The following TTC28 variants were observed in gnomAD, a reference collection of about 807,000 sequenced individuals.
TTC28 encodes the protein tetratricopeptide repeat domain 28.
In TTC28, 61 loss-of-function variants were observed where a neutral mutation model predicts 198.0. The observed-to-expected ratio is 0.31, with a 90% CI of 0.25 to 0.38. The LOEUF (loss-of-function observed/expected upper bound fraction) is 0.38. Among genes scored for constraint, TTC28 ranks in the 10% least tolerant of loss-of-function variants. The pLI is 1.00. For synonymous variants in TTC28, 1,171 were observed against 1,297.8 expected, an observed-to-expected ratio of 0.90 and a Z score of 2.10; for missense variants, 2,678 against 3,164.0, an observed-to-expected ratio of 0.85 and a Z score of 3.69.
At chr22:28,036,205 A>G (rs1432835709) in intron 12 of TTC28, among the ~76,000 whole-genome samples, 2 of 152,210 alleles carry the variant, frequency 1.3e-5, no homozygotes, top group African/African-American at 4.8e-5. Context: ...TCAGCATCAC[A>G]TCGGACTTAT....
At chr22:28,325,259 G>T (rs908242402) in intron 2 of TTC28, among the ~76,000 whole-genome samples, 18 of 152,122 alleles carry the variant, frequency 1.2e-4, no homozygotes, top group African/African-American at 4.3e-4. Flanking sequence ...TAGTTTATTT[G>T]CATAGTGGTG....
chr22:28,424,629 C>T (rs534951047), intron 2 of TTC28, among the ~76,000 whole-genome samples: 1 of 152,268 alleles, frequency 6.6e-6, no homozygotes, highest in South Asian at 2.1e-4. Context: ...GTGCTAGCGT[C>T]ATAGCTGTTT....
At chr22:28,217,791 T>G (rs1268240667) in intron 5 of TTC28, among the ~76,000 whole-genome samples, 1 of 152,222 alleles carries the variant, frequency 6.6e-6, no homozygotes, top group Admixed American at 6.5e-5. Flanking sequence ...GACATTAGAA[T>G]TTTTGAATAT....
At chr22:28,056,568 G>T (rs954226313) in intron 12 of TTC28, 5 of 151,956 alleles carry the variant, frequency 3.3e-5, no homozygotes, top group African/African-American at 1.2e-4. Flanking sequence ...TTCAATTAAG[G>T]TTCCCTTAAA....
At chr22:28,602,295 C>T (rs1452145330) in intron 2 of TTC28, among the ~76,000 whole-genome samples, 1 of 152,102 alleles carries the variant, frequency 6.6e-6, no homozygotes, top group Non-Finnish European at 1.5e-5. Flanking sequence ...ACTAGAGACT[C>T]CTAATATACT....
At chr22:28,291,243 C>A (rs1302747140) in intron 5 of TTC28, among the ~76,000 whole-genome samples, 1 of 151,890 alleles carries the variant, frequency 6.6e-6, no homozygotes, top group East Asian at 1.9e-4. Flanking sequence ...ACTTCTCTAG[C>A]AAATATAATG....
chr22:28,064,825 C>T (rs1290037060), intron 12 of TTC28, among the ~76,000 whole-genome samples: 1 of 152,134 alleles, frequency 6.6e-6, no homozygotes, highest in Non-Finnish European at 1.5e-5. Context: ...AACTATAACG[C>T]TGGCAACTCC....
intron 6 of TTC28, among the ~76,000 whole-genome samples, chr22:28,113,665 T>C (rs1246464076): frequency 1.3e-5 from 2 of 152,236 alleles, no homozygotes; most frequent in Non-Finnish European, 2.9e-5. Flanking sequence ...GAAATATTTA[T>C]AGAAGCATTT....
Position 28,391,392 on chromosome 22 carries a change from T to G in TTC28, c.382-84749A>C, listed in dbSNP as rs574374272. On this transcript the variant is annotated intron_variant, in intron 2 of 22. Coordinates refer to ENST00000397906, the MANE Select transcript of TTC28 (RefSeq NM_001145418.2). ...TCCTGAATCTGAATGTTGGCCTGCC[T>G]TGCTAGACTGGGGAAGTTCTCCTGG... is the stretch of plus-strand genomic sequence containing the variant. Among the ~76,000 whole-genome samples, 18 of 152,322 alleles carry G rather than the reference T, an allele frequency of 1.2e-4. No homozygotes were observed. In the South Asian group the frequency reaches 3.7e-3, roughly 32 times the overall value.
At chr22:28,194,763 AT>A (rs1925224217) in intron 5 of TTC28, among the ~76,000 whole-genome samples, 2 of 131,994 alleles carry the variant, frequency 1.5e-5, no homozygotes, top group South Asian at 5.2e-4. Flanking sequence ...GAATAGACCA[AT>A]AACAGGCTCT....
chr22:28,210,556 G>T (rs963311512), intron 5 of TTC28, among the ~76,000 whole-genome samples: 6 of 152,054 alleles, frequency 3.9e-5, no homozygotes, highest in Non-Finnish European at 7.4e-5. Context: ...AAGAGCAAAT[G>T]AATGAAATGA....
intron 2 of TTC28, among the ~76,000 whole-genome samples, chr22:28,427,124 C>T (rs1227615479): frequency 6.6e-6 from 1 of 152,164 alleles, no homozygotes; most frequent in Non-Finnish European, 1.5e-5. Context: ...GAGAAAAATA[C>T]TTTGCCACTT....
chr22:28,549,827 C>A (rs867797988), intron 2 of TTC28, among the ~76,000 whole-genome samples: 1 of 152,154 alleles, frequency 6.6e-6, no homozygotes. Flanking sequence ...AATTCATGGT[C>A]TTCAATGTTT....
rs576359655 is a variant in TTC28 at position 28,081,235 on chromosome 22, C to T, written c.3932+12845G>A. Among the ~76,000 whole-genome samples the T allele has an allele frequency of 2.0e-5, 3 of 152,062 alleles. No individual in the cohort carries two copies. The East Asian group carries it at 5.8e-4, about 29-fold the overall frequency. Reference sequence around the variant, plus strand: ...AGTCTCTGTTGCCCAGGCTGGAGTGCAGTGGCACCATCTTGGCTCACTGCA... The same window carrying T: ...AGTCTCTGTTGCCCAGGCTGGAGTGTAGTGGCACCATCTTGGCTCACTGCA... On this transcript the variant is annotated intron_variant, in intron 12 of 22. Coordinates refer to ENST00000397906, the MANE Select transcript of TTC28 (RefSeq NM_001145418.2).
At chr22:28,313,486 C>G (rs112026244) in intron 2 of TTC28, among the ~76,000 whole-genome samples, 8 of 152,284 alleles carry the variant, frequency 5.3e-5, no homozygotes, top group African/African-American at 1.9e-4. Context: ...AAACCGAATC[C>G]AGCAGCACAT....
chr22:28,343,943 G>T (rs1294234562), intron 2 of TTC28, among the ~76,000 whole-genome samples: 1 of 152,036 alleles, frequency 6.6e-6, no homozygotes, highest in East Asian at 1.9e-4. Context: ...ATACGCTATT[G>T]TTTACATATT....
chr22:28,081,993 G>A (rs187086406), intron 12 of TTC28, among the ~76,000 whole-genome samples: 75 of 152,248 alleles, frequency 4.9e-4, no homozygotes, highest in South Asian at 4.8e-3. Context: ...TTATTCCTGA[G>A]TATTTTGTAA....
At chr22:28,635,275 T>G (rs1015931086) in intron 1 of TTC28, among the ~76,000 whole-genome samples, 1 of 151,828 alleles carries the variant, frequency 6.6e-6, no homozygotes, top group Non-Finnish European at 1.5e-5. Context: ...GAGCTGAGAT[T>G]GCACCACTGC....
At chr22:28,445,473 C>G (rs942180781) in intron 2 of TTC28, among the ~76,000 whole-genome samples, 1 of 152,168 alleles carries the variant, frequency 6.6e-6, no homozygotes, top group African/African-American at 2.4e-5. Context: ...AGTAAAAATT[C>G]AGAGGAGACA....
Sources: allele counts gnomAD v4.1 joint callset (sites outside exome capture counted in the v4.1 genomes callset), GRCh38; gene constraint gnomAD v4.1.1; transcripts MANE v1.5; gene names NCBI Gene and HGNC (gene_info 2026-07-23, HGNC 2026-07-21).